ERG: variants seen among roughly 807,000 people sequenced by gnomAD.
ERG encodes the protein transcriptional regulator ERG.
Under a neutral mutation model 55.3 loss-of-function variants are expected in ERG, and 9 were observed. That is an observed-to-expected ratio of 0.16 (90% CI 0.10 to 0.28). The LOEUF is 0.28. ERG is among the 10% of genes least tolerant of loss of function. The pLI is 1.00. For missense variants in ERG, 434 were observed against 631.6 expected (o/e 0.69, Z 3.35); for synonymous variants, 223 against 237.3 (o/e 0.94, Z 0.55).
At chr21:38,627,989 T>C (rs1219887732) in intron 1 of ERG, among the ~76,000 whole-genome samples, 1 of 148,760 alleles carries the variant, frequency 6.7e-6, no homozygotes, top group East Asian at 2.0e-4. Context: ...TCATCCAGGT[T>C]GGAGTCTGGA....
chr21:38,656,896 C>T (rs962459443), intron 1 of ERG, among the ~76,000 whole-genome samples: 4 of 152,112 alleles, frequency 2.6e-5, no homozygotes, highest in Admixed American at 6.5e-5. Flanking sequence ...TTTTCCCCCC[C>T]GAGTATGTTT....
intron 1 of ERG, among the ~76,000 whole-genome samples, chr21:38,577,167 A>G (rs746523581): frequency 5.9e-5 from 9 of 152,186 alleles, no homozygotes; most frequent in Non-Finnish European, 5.9e-5. Context: ...TACTGAGCGC[A>G]TTACTGTAGT....
At chr21:38,498,575 G>T, upstream of ERG, 1 of 1,167,876 alleles carries the variant, frequency 8.6e-7, no homozygotes, top group Non-Finnish European at 1.1e-6. The surrounding 1 kb of genome is among the most constrained non-coding windows in gnomAD (Gnocchi z 4.6). Context: ...ATATTTGGGA[G>T]TGGAGAGATA....
At position 38,608,434 on chromosome 21, in the gene ERG, T is replaced by G. The variant is rs1184683438; in HGVS notation, c.-149-23489A>C. The stretch of plus-strand genomic sequence containing the variant: ...AGAAGATATAAAACTCCAGAAGCTG[T>G]GGGCACCAAACAACACAGCCTCAAA... On this transcript the variant is annotated intron_variant, in intron 1 of 10. Transcript: ENST00000398910. 2.0e-5 allele frequency among the ~76,000 whole-genome samples: 3 copies of G among 152,190 alleles called. No homozygotes were observed. In the South Asian group the frequency reaches 6.2e-4, roughly 32 times the overall value.
chr21:38,652,041 C>T (rs964882805), intron 1 of ERG, among the ~76,000 whole-genome samples: 6 of 152,230 alleles, frequency 3.9e-5, no homozygotes, highest in African/African-American at 1.4e-4. Flanking sequence ...CACACCTCTC[C>T]CTTCCCTTAT....
chr21:38,611,463 C>T (rs962931930), intron 1 of ERG, among the ~76,000 whole-genome samples: 3 of 152,054 alleles, frequency 2.0e-5, no homozygotes, highest in Non-Finnish European at 2.9e-5. Context: ...TCCATCTGGC[C>T]GCCCTGACCT....
chr21:38,632,778 C>G (rs2060364878), intron 1 of ERG, among the ~76,000 whole-genome samples: 1 of 152,158 alleles, frequency 6.6e-6, no homozygotes, highest in Non-Finnish European at 1.5e-5. Flanking sequence ...AGCATAAAAA[C>G]AGACTAATAC....
At chr21:38,524,698 T>G (rs1040403397) in intron 2 of ERG, among the ~76,000 whole-genome samples, 9 of 152,208 alleles carry the variant, frequency 5.9e-5, no homozygotes, top group African/African-American at 1.9e-4. Flanking sequence ...ATATTAGATT[T>G]TCTTTACTGG....
chr21:38,644,329 G>A (rs1368609525), intron 1 of ERG, among the ~76,000 whole-genome samples: 1 of 10,872 alleles, frequency 9.2e-5, no homozygotes, highest in East Asian at 2.6e-3. Context: ...AACAAGATGG[G>A]AAGACATTTT....
intron 2 of ERG, among the ~76,000 whole-genome samples, chr21:38,562,632 T>C (rs1240360305): frequency 3.3e-5 from 5 of 152,206 alleles, no homozygotes; most frequent in Non-Finnish European, 1.5e-5. Context: ...AAATCGATAA[T>C]GCACCTCTTA....
intron 1 of ERG, chr21:38,471,657 G>A (rs967497464): frequency 6.6e-6 from 1 of 152,128 alleles, no homozygotes; most frequent in Non-Finnish European, 1.5e-5. Context: ...TCTTCTACAA[G>A]GGAGAAAATG....
intron 7 of ERG, 36 bp from the exon 8 acceptor site, chr21:38,391,751 AAC>A: frequency 6.3e-7 from 1 of 1,574,932 alleles, no homozygotes; most frequent in Non-Finnish European, 8.7e-7. Flanking sequence ...AATTAGCTAT[AAC>A]AGATTTGGTC....
chr21:38,627,096 G>A (rs183224203), intron 1 of ERG, among the ~76,000 whole-genome samples: 24 of 150,956 alleles, frequency 1.6e-4, no homozygotes, highest in Admixed American at 8.6e-4. Context: ...TTTAAATACC[G>A]AGAATAAAAA....
chr21:38,650,692 T>G (rs1410315096), intron 1 of ERG, among the ~76,000 whole-genome samples: 2 of 152,128 alleles, frequency 1.3e-5, no homozygotes, highest in Non-Finnish European at 2.9e-5. Flanking sequence ...AGAAGGTTAC[T>G]CAATGACGCA....
chr21:38,555,801 A>AT (rs1363528930), intron 2 of ERG, among the ~76,000 whole-genome samples: 1 of 152,206 alleles, frequency 6.6e-6, no homozygotes, highest in Non-Finnish European at 1.5e-5. Context: ...TAAAAATACA[A>AT]TAACAAATAT....
At chr21:38,418,277 G>GTC (rs1989372375) in intron 3 of ERG, among the ~76,000 whole-genome samples, 1 of 123,942 alleles carries the variant, frequency 8.1e-6, no homozygotes, top group Non-Finnish European at 1.9e-5. Flanking sequence ...GGAAGTGTGT[G>GTC]TGTGTGTGTG....
chr21:38,530,223 C>A (rs932393876), intron 2 of ERG, among the ~76,000 whole-genome samples: 1 of 151,874 alleles, frequency 6.6e-6, no homozygotes. Context: ...CCATGCCCAG[C>A]TAATTTTTGC....
At chr21:38,431,393 A>C (rs181020952) in intron 2 of ERG, among the ~76,000 whole-genome samples, 1 of 152,322 alleles carries the variant, frequency 6.6e-6, no homozygotes, top group Admixed American at 6.5e-5. Context: ...CCAGAGTTCT[A>C]TTTATAAATA....
At chr21:38,514,545 T>C (rs1281337889) in intron 2 of ERG, among the ~76,000 whole-genome samples, 1 of 151,984 alleles carries the variant, frequency 6.6e-6, no homozygotes, top group Non-Finnish European at 1.5e-5. Flanking sequence ...TCAACATTCA[T>C]ATTAAAAATT....
Sources: gnomAD v4.1 joint callset for allele counts (sites outside exome capture counted in the v4.1 genomes callset) on GRCh38, gnomAD v4.1.1 for gene constraint, Gnocchi (gnomAD v3.1) non-coding constraint, MANE v1.5 for transcripts, NCBI Gene and HGNC (gene_info 2026-07-23, HGNC 2026-07-21) for gene names.